The following RPRD1B variants were observed in gnomAD, a reference collection of about 807,000 sequenced individuals.
The protein encoded by RPRD1B is regulation of nuclear pre-mRNA domain containing 1B, also known as regulation of nuclear pre-mRNA domain-containing protein 1B.
In RPRD1B, 11 loss-of-function variants were observed where a neutral mutation model predicts 41.5. The observed-to-expected ratio is 0.27, with a 90% CI of 0.17 to 0.44. The LOEUF (loss-of-function observed/expected upper bound fraction) is 0.44, where lower values mean the gene tolerates loss of function less well. RPRD1B is among the 20% of genes least tolerant of loss of function. RPRD1B has a pLI of 1.00. For missense variants in RPRD1B, 248 were observed against 389.9 expected (o/e 0.64, Z 3.06); for synonymous variants, 158 against 155.6 (o/e 1.02, Z -0.12).
chr20:38,089,683 C>A, intron 6 of RPRD1B, 43 bp from the exon 7 acceptor site: 1 of 1,550,612 alleles, frequency 6.4e-7, no homozygotes, highest in South Asian at 1.1e-5. Flanking sequence ...ATGCCCTCGG[C>A]ACGCACAGAC....
At chr20:38,037,240 G>C (rs2122686621) in intron 1 of RPRD1B, among the ~76,000 whole-genome samples, 1 of 152,136 alleles carries the variant, frequency 6.6e-6, no homozygotes, top group Non-Finnish European at 1.5e-5. Context: ...TCCCATTTGA[G>C]CTCTGTTCTA....
intron 3 of RPRD1B, among the ~76,000 whole-genome samples, chr20:38,055,271 T>C (rs957864732): frequency 3.3e-5 from 5 of 152,236 alleles, no homozygotes; most frequent in African/African-American, 9.6e-5. Flanking sequence ...AACAAACTTA[T>C]CAAGAGTAGT....
intron 5 of RPRD1B, among the ~76,000 whole-genome samples, chr20:38,065,490 A>G (rs964133753): frequency 2.0e-5 from 3 of 152,244 alleles, no homozygotes; most frequent in African/African-American, 4.8e-5. Flanking sequence ...GGATTTGTCT[A>G]TAACCAACAA....
chr20:38,071,481 A>G (rs2074412637), intron 6 of RPRD1B, among the ~76,000 whole-genome samples: 1 of 152,200 alleles, frequency 6.6e-6, no homozygotes, highest in Admixed American at 6.5e-5. Flanking sequence ...TCTTATGAAT[A>G]GTGTTGCTAT....
chr20:38,091,942 G>T lies in RPRD1B; in HGVS notation c.*2067G>T. On this transcript the variant is annotated 3_prime_UTR_variant, in exon 7 of 7. Coordinates refer to ENST00000373433, the MANE Select transcript of RPRD1B (RefSeq NM_021215.4). ...GGCCTCTTAATACCTGTTACTAGTG[G>T]ACTTCCTGTGAGGAAGTTAGTTTTT... 4.1e-6 allele frequency: 4 copies of T among 985,840 alleles called. No homozygotes were observed. The highest frequency in any genetic ancestry group is 4.8e-6 in the Non-Finnish European group (4 of 829,894). 61.1% of individuals were successfully genotyped at this position (985,840 alleles called of 1,614,324 possible).
At chr20:38,046,432 G>GGA (rs1428272713) in intron 2 of RPRD1B, among the ~76,000 whole-genome samples, 13 of 152,132 alleles carry the variant, frequency 8.5e-5, no homozygotes. Context: ...CTTGTTCAAG[G>GGA]GCATATAGCA....
At chr20:38,073,856 C>T (rs138005828) in intron 6 of RPRD1B, among the ~76,000 whole-genome samples, 299 of 152,314 alleles carry the variant, frequency 2.0e-3, no homozygotes, top group African/African-American at 6.6e-3. Flanking sequence ...CTTCTGACTC[C>T]TAACTACAGT....
At chr20:38,069,569 T>A (rs2074391253) in intron 6 of RPRD1B, among the ~76,000 whole-genome samples, 1 of 152,240 alleles carries the variant, frequency 6.6e-6, no homozygotes, top group Non-Finnish European at 1.5e-5. Context: ...GATTAAGGTC[T>A]GTGCTCTTTA....
intron 6 of RPRD1B, among the ~76,000 whole-genome samples, chr20:38,084,568 A>G (rs757591313): frequency 1.3e-5 from 2 of 152,178 alleles, no homozygotes; most frequent in Non-Finnish European, 2.9e-5. Context: ...CACTTATCCC[A>G]GAGCTCATCT....
intron 5 of RPRD1B, among the ~76,000 whole-genome samples, chr20:38,065,657 A>T (rs1479574250): frequency 6.6e-6 from 1 of 152,100 alleles, no homozygotes; most frequent in Non-Finnish European, 1.5e-5. Flanking sequence ...AGTATTTTCC[A>T]TTCATGGTTG....
chr20:38,088,538 T>TA (rs1282910475), intron 6 of RPRD1B, among the ~76,000 whole-genome samples: 1 of 152,220 alleles, frequency 6.6e-6, no homozygotes. Context: ...GGGACCTACT[T>TA]ACCCTTGCAG....
intron 5 of RPRD1B, among the ~76,000 whole-genome samples, chr20:38,061,238 C>T (rs1316785149): frequency 5.3e-5 from 8 of 152,144 alleles, no homozygotes; most frequent in East Asian, 1.9e-4. Flanking sequence ...GAGTTCTTTT[C>T]GTCTTGCCAA....
At chr20:38,063,674 A>G (rs548105370) in intron 5 of RPRD1B, among the ~76,000 whole-genome samples, 130 of 152,236 alleles carry the variant, frequency 8.5e-4, no homozygotes, top group Admixed American at 8.4e-3. Flanking sequence ...GAGGTAGAGA[A>G]GACATGGGAC....
At chr20:38,064,404 C>T (rs763570002) in intron 5 of RPRD1B, among the ~76,000 whole-genome samples, 1 of 152,186 alleles carries the variant, frequency 6.6e-6, no homozygotes, top group South Asian at 2.1e-4. Context: ...CAGGAGAATG[C>T]GAGCTCTCAC....
Position 38,090,889 on chromosome 20 carries a change from G to A in RPRD1B, c.*1014G>A, listed in dbSNP as rs75152048. On this transcript the variant is annotated 3_prime_UTR_variant, in exon 7 of 7. Transcript: ENST00000373433. ...TGCAAATAGGACGCTGAGCAGGTCC[G>A]TCTGTCATGTCACGCCACTGCACAG... The A allele has an allele frequency of 1.1e-4, 110 of 985,284 alleles. 2 individuals are homozygous for A. In the East Asian group the frequency reaches 9.5e-3, roughly 85 times the overall value. 61.0% of individuals were successfully genotyped at this position (985,284 alleles called of 1,614,324 possible).
chr20:38,039,458 G>A (rs1239485154), intron 1 of RPRD1B, among the ~76,000 whole-genome samples: 4 of 150,786 alleles, frequency 2.7e-5, no homozygotes, highest in African/African-American at 9.8e-5. Context: ...AGGCTGGAGT[G>A]CAACAGCATG....
chr20:38,085,839 CTTTTTTTTTTTT>C (rs774430421), intron 6 of RPRD1B, among the ~76,000 whole-genome samples: 2 of 124,998 alleles, frequency 1.6e-5, no homozygotes, highest in South Asian at 2.6e-4. Flanking sequence ...TGGAGTCAGT[CTTTTTTTTTTTT>C]TTTTTTTTGA....
At chr20:38,064,415 C>T (rs746630607) in intron 5 of RPRD1B, among the ~76,000 whole-genome samples, 1 of 152,204 alleles carries the variant, frequency 6.6e-6, no homozygotes, top group Non-Finnish European at 1.5e-5. Context: ...GAGCTCTCAC[C>T]TCTGACAGCC....
intron 1 of RPRD1B, among the ~76,000 whole-genome samples, chr20:38,034,982 G>A (rs2073983803): frequency 6.6e-6 from 1 of 152,040 alleles, no homozygotes; most frequent in Admixed American, 6.6e-5. Context: ...TATTACATGC[G>A]AAGTGCAGTA....
Sources: allele counts gnomAD v4.1 joint callset (sites outside exome capture counted in the v4.1 genomes callset), GRCh38; gene constraint gnomAD v4.1.1; transcripts MANE v1.5; gene names NCBI Gene and HGNC (gene_info 2026-07-23, HGNC 2026-07-21).